TRIP11: variants seen among roughly 807,000 people sequenced by gnomAD.
The protein encoded by TRIP11 is thyroid hormone receptor interactor 11, also known as thyroid receptor-interacting protein 11.
Under a neutral mutation model 223.1 loss-of-function variants are expected in TRIP11, and 148 were observed. That is an observed-to-expected ratio of 0.66 (90% CI 0.58 to 0.76). The LOEUF is 0.76. TRIP11 is among the 30% of genes least tolerant of loss of function. The probability of loss-of-function intolerance (pLI) is 0.00; values close to 1 mark genes in which losing one functional copy is unlikely to be tolerated. For missense variants in TRIP11, 2,043 were observed against 2,222.0 expected (o/e 0.92, Z 1.62); for synonymous variants, 762 against 772.6 (o/e 0.99, Z 0.23).
intron 1 of TRIP11, among the ~76,000 whole-genome samples, chr14:92,034,824 A>G (rs1566877453): frequency 6.6e-6 from 1 of 152,098 alleles, no homozygotes; most frequent in Non-Finnish European, 1.5e-5. Flanking sequence ...TGGAGAGATG[A>G]GGTTTCACTG....
intron 19 of TRIP11, among the ~76,000 whole-genome samples, chr14:91,973,306 G>T (rs1439329874): frequency 6.6e-6 from 1 of 152,072 alleles, no homozygotes; most frequent in African/African-American, 2.4e-5. Context: ...TTACAGGCGT[G>T]AGCCACCACA....
chr14:92,002,955 A>G (rs561250957), intron 11 of TRIP11, among the ~76,000 whole-genome samples: 5 of 152,230 alleles, frequency 3.3e-5, no homozygotes, highest in African/African-American at 1.2e-4. Flanking sequence ...TCAGTTAGAC[A>G]CACACGCACA....
In TRIP11 at chr14:92,004,013, C is replaced by A. The variant is rs781232308; in HGVS notation, c.3963G>T (p.Leu1321Phe). Residue 1321 changes from leucine (L) to phenylalanine (F), a missense_variant, in exon 11 of 21, where the codon TTG becomes TTT. Coordinates refer to ENST00000267622, the MANE Select transcript of TRIP11 (RefSeq NM_004239.4). The stretch of plus-strand genomic sequence containing the variant: ...GACACTCTGCAGACTGGGGAGTAAG[C>A]AATGATGCAGAAGACAGCTGGGGTG... ...IISPQLSSAS[L>F]LTPQSAECLR... The A allele has an allele frequency of 2.5e-6, 4 of 1,614,138 alleles. No homozygotes were observed. The highest frequency in any genetic ancestry group is 3.4e-6 in the Non-Finnish European group (4 of 1,180,026).
chr14:92,034,161 C>G (rs1475307213), intron 1 of TRIP11, among the ~76,000 whole-genome samples: 1 of 151,980 alleles, frequency 6.6e-6, no homozygotes, highest in Admixed American at 6.6e-5. Context: ...GGTGGCTCAC[C>G]GCCTGTAATC....
At chr14:91,979,772 C>T (rs939136032) in intron 16 of TRIP11, among the ~76,000 whole-genome samples, 2 of 152,074 alleles carry the variant, frequency 1.3e-5, no homozygotes, top group African/African-American at 4.8e-5. Flanking sequence ...CCTACAGATG[C>T]CTCTTTTTCT....
chr14:92,039,709 C>A lies in TRIP11; in HGVS notation c.-24G>T. On this transcript the variant is annotated 5_prime_UTR_variant, in exon 1 of 21. Transcript: ENST00000267622. ...ATCGCGGCGAGTTTAGAGAACGACCCGGTCCGCTCGGAAAAAAGAAAACGT... is the reference window on the plus strand; with the variant it reads ...ATCGCGGCGAGTTTAGAGAACGACCAGGTCCGCTCGGAAAAAAGAAAACGT... 1 of 1,605,554 alleles carries A rather than the reference C, an allele frequency of 6.2e-7. No homozygotes were observed. Among genetic ancestry groups the A allele is most frequent in the East Asian group, 2.2e-5 (1 of 44,676 alleles).
At chr14:92,027,824 A>C (rs1053583111) in intron 2 of TRIP11, among the ~76,000 whole-genome samples, 1 of 152,220 alleles carries the variant, frequency 6.6e-6, no homozygotes, top group Non-Finnish European at 1.5e-5. Context: ...ATGTCAACAG[A>C]TGTGAAAATA....
chr14:91,990,078 A>G (rs929927129), intron 15 of TRIP11, among the ~76,000 whole-genome samples: 4 of 152,170 alleles, frequency 2.6e-5, no homozygotes, highest in African/African-American at 9.7e-5. Context: ...AATAAATTGC[A>G]TGTGTGTATC....
intron 2 of TRIP11, chr14:92,026,563 AC>A: frequency 7.9e-7 from 1 of 1,266,004 alleles, no homozygotes; most frequent in Non-Finnish European, 1.1e-6. Context: ...GGCGTGCCCT[AC>A]CATGTCAGAC....
intron 9 of TRIP11, among the ~76,000 whole-genome samples, chr14:92,008,379 A>G (rs2056931023): frequency 6.6e-6 from 1 of 152,200 alleles, no homozygotes; most frequent in South Asian, 2.1e-4. Flanking sequence ...TTCTCTTACT[A>G]AAGGAATTTC....
In TRIP11 at chr14:92,002,940, AC is replaced by A. The variant is rs1344260917; in HGVS notation, c.4557+478del. On this transcript the variant is annotated intron_variant, in intron 11 of 20. Coordinates refer to ENST00000267622, the MANE Select transcript of TRIP11 (RefSeq NM_004239.4). ...ATAAGAGCAATTTCTGGTTCCTCAA[AC>A]TTTTCAGTTAGACACACACGCACAC... Among the ~76,000 whole-genome samples the A allele has an allele frequency of 4.6e-5, 7 of 152,052 alleles. No homozygotes were observed. The East Asian group carries it at 1.4e-3, about 29-fold the overall frequency.
intron 3 of TRIP11, 129 bp from the exon 4 acceptor site, chr14:92,021,960 C>G: frequency 1.0e-6 from 1 of 979,986 alleles, no homozygotes; most frequent in Admixed American, 2.1e-5. Context: ...CCTCTATCAA[C>G]TGAATCTAAG....
chr14:91,976,083 CA>C, intron 17 of TRIP11, 24 bp downstream of exon 17: 1 of 1,603,990 alleles, frequency 6.2e-7, no homozygotes, highest in Non-Finnish European at 8.5e-7. Flanking sequence ...ACAAAATATA[CA>C]AACATTAAAA....
chr14:91,972,751 T>A lies in TRIP11; in HGVS notation c.5685A>T (p.Arg1895Ser). The A allele has an allele frequency of 6.2e-7, 1 of 1,612,532 alleles. No individual in the cohort carries two copies. The highest frequency in any genetic ancestry group is 8.5e-7 in the Non-Finnish European group (1 of 1,179,484). ...DMKPLDSPGR[R>S]KRDTNAPESF... ...TTTCTGGTGCATTTGTATCTCTTTT[T>A]CTTCTTCCTGGTGAATCCAGAGGTT... Residue 1895 changes from arginine (R) to serine (S), a missense_variant, in exon 20 of 21, where the codon AGA becomes AGT. Arg to Ser is a moderately radical substitution (Grantham distance 110). Coordinates refer to ENST00000267622, the MANE Select transcript of TRIP11 (RefSeq NM_004239.4).
chr14:91,992,077 C>CT (rs1464489087), intron 15 of TRIP11, among the ~76,000 whole-genome samples: 39 of 38,930 alleles, frequency 1.0e-3, no homozygotes, highest in Admixed American at 4.6e-3. Context: ...GAAACGCCGT[C>CT]TCAAAAAAAA....
At chr14:91,969,957 T>G in intron 20 of TRIP11, 64 bp from the exon 21 acceptor site, 1 of 1,438,012 alleles carries the variant, frequency 7.0e-7, no homozygotes, top group Non-Finnish European at 9.6e-7. Context: ...GAAATAACTC[T>G]GAATGTAATA....
At chr14:92,011,720 C>T in intron 8 of TRIP11, 35 bp downstream of exon 8, 1 of 1,579,950 alleles carries the variant, frequency 6.3e-7, no homozygotes, top group African/African-American at 1.3e-5. Context: ...CTTCCACTGT[C>T]TCTATGCACA....
At chr14:92,000,344 G>C (rs1440400982) in intron 11 of TRIP11, among the ~76,000 whole-genome samples, 3 of 152,144 alleles carry the variant, frequency 2.0e-5, no homozygotes, top group Non-Finnish European at 4.4e-5. Flanking sequence ...AGAAGCCTAT[G>C]GAGCCATGAC....
chr14:92,020,180 T>C (rs1324381949), intron 4 of TRIP11, among the ~76,000 whole-genome samples: 1 of 150,672 alleles, frequency 6.6e-6, no homozygotes, highest in African/African-American at 2.4e-5. Flanking sequence ...TGAACCCGGG[T>C]GGCAGAGGTT....
Sources: gnomAD v4.1 joint callset for allele counts (sites outside exome capture counted in the v4.1 genomes callset) on GRCh38, gnomAD v4.1.1 for gene constraint, MANE v1.5 for transcripts, NCBI Gene and HGNC (gene_info 2026-07-23, HGNC 2026-07-21) for gene names.